Variants in EPHA6 observed in about 807,000 individuals in gnomAD.
EPHA6 encodes the protein EPH receptor A6, also known as ephrin type-A receptor 6.
EPHA6 carries 50 observed loss-of-function variants against 112.0 expected under a neutral mutation model. That is an observed-to-expected ratio of 0.45 (90% confidence interval 0.36 to 0.56). The LOEUF (loss-of-function observed/expected upper bound fraction) is 0.56, where lower values mean the gene tolerates loss of function less well. Ranked by LOEUF, EPHA6 falls within the 20% of genes least tolerant of loss-of-function variation. The probability of loss-of-function intolerance (pLI) is 0.00; values close to 1 mark genes in which losing one functional copy is unlikely to be tolerated. For missense variants in EPHA6, 1,280 were observed against 1,417.4 expected (o/e 0.90, Z 1.56); for synonymous variants, 529 against 490.7 (o/e 1.08, Z -1.03).
chr3:96,851,129 T>C (rs2035358396), intron 1 of EPHA6, among the ~76,000 whole-genome samples: 1 of 152,036 alleles, frequency 6.6e-6, no homozygotes, highest in African/African-American at 2.4e-5. Flanking sequence ...CTGGGGACAA[T>C]TTAGTGGATT....
At chr3:97,215,368 T>C (rs1225387308) in intron 3 of EPHA6, among the ~76,000 whole-genome samples, 1 of 152,224 alleles carries the variant, frequency 6.6e-6, no homozygotes, top group Non-Finnish European at 1.5e-5. Context: ...TTCAGCTGTG[T>C]TTCAATCAAT....
chr3:97,679,137 G>A (rs1430928090), intron 14 of EPHA6, among the ~76,000 whole-genome samples: 1 of 152,072 alleles, frequency 6.6e-6, no homozygotes, highest in African/African-American at 2.4e-5. Context: ...TTCTACTAAT[G>A]ATTTCCTTCC....
intron 5 of EPHA6, among the ~76,000 whole-genome samples, chr3:97,396,437 A>G (rs1456459735): frequency 6.6e-6 from 1 of 150,970 alleles, no homozygotes; most frequent in Non-Finnish European, 1.5e-5. Flanking sequence ...ATTTGTATTT[A>G]TCCATATTGT....
At chr3:96,930,979 G>T (rs2318067) in intron 2 of EPHA6, among the ~76,000 whole-genome samples, 15,100 of 107,164 alleles carry the variant, frequency 0.14, 1,751 homozygotes, top group Admixed American at 0.35. Context: ...GTGACAGAGT[G>T]AGACTCTGTC....
At chr3:96,841,530 G>T (rs1213774942) in intron 1 of EPHA6, among the ~76,000 whole-genome samples, 1 of 152,030 alleles carries the variant, frequency 6.6e-6, no homozygotes, top group East Asian at 1.9e-4. Context: ...CAGAAGAAAT[G>T]GGTGTGTTAC....
chr3:97,135,040 A>G (rs1011024524), intron 3 of EPHA6, among the ~76,000 whole-genome samples: 7 of 152,272 alleles, frequency 4.6e-5, no homozygotes, highest in Middle Eastern at 3.4e-3. Flanking sequence ...GCTGTTTTTC[A>G]GGTACTTTCA....
At chr3:97,279,915 T>C (rs1409114925) in intron 5 of EPHA6, among the ~76,000 whole-genome samples, 1 of 152,200 alleles carries the variant, frequency 6.6e-6, no homozygotes, top group African/African-American at 2.4e-5. Flanking sequence ...GACAGAGTCT[T>C]GCTCTTGTTG....
intron 2 of EPHA6, among the ~76,000 whole-genome samples, chr3:96,895,657 T>C (rs2038228084): frequency 6.6e-6 from 1 of 152,156 alleles, no homozygotes; most frequent in African/African-American, 2.4e-5. Context: ...TTATACTGTT[T>C]TTTGTTGTTG....
At chr3:96,854,109 A>G (rs2035551888) in intron 1 of EPHA6, among the ~76,000 whole-genome samples, 1 of 151,422 alleles carries the variant, frequency 6.6e-6, no homozygotes, top group African/African-American at 2.4e-5. Flanking sequence ...TTTCCAATTC[A>G]TTATTATATA....
At chr3:97,523,563 C>T (rs2092575532) in intron 10 of EPHA6, among the ~76,000 whole-genome samples, 1 of 151,758 alleles carries the variant, frequency 6.6e-6, no homozygotes, top group African/African-American at 2.4e-5. Flanking sequence ...TTGTTGAAGC[C>T]CATTCTTTTT....
intron 3 of EPHA6, among the ~76,000 whole-genome samples, chr3:97,177,386 T>C (rs978756342): frequency 6.6e-6 from 1 of 151,924 alleles, no homozygotes; most frequent in Admixed American, 6.6e-5. Flanking sequence ...ATATCTATTA[T>C]GTGCATTTGA....
chr3:97,032,622 G>A (rs148117042), intron 3 of EPHA6, among the ~76,000 whole-genome samples: 3 of 151,984 alleles, frequency 2.0e-5, no homozygotes, highest in Non-Finnish European at 2.9e-5. Flanking sequence ...TTTGAAATAC[G>A]AAGTGATAAA....
chr3:97,306,393 C>T (rs75439449), intron 5 of EPHA6, among the ~76,000 whole-genome samples: 5,131 of 150,346 alleles, frequency 0.034, 262 homozygotes, highest in African/African-American at 0.12. Flanking sequence ...CCTTAAGGCA[C>T]AATACAAGTA....
intron 2 of EPHA6, among the ~76,000 whole-genome samples, chr3:96,890,336 G>C (rs1303554631): frequency 6.6e-6 from 1 of 152,010 alleles, no homozygotes; most frequent in Non-Finnish European, 1.5e-5. Context: ...AGATGACACG[G>C]TAGAAAAAAT....
chr3:96,963,012 G>A (rs2042000186), intron 2 of EPHA6, among the ~76,000 whole-genome samples: 1 of 151,952 alleles, frequency 6.6e-6, no homozygotes, highest in South Asian at 2.1e-4. Context: ...AAATTAGCTG[G>A]GCATAGTGGC....
chr3:97,556,996 C>G (rs1577767171), intron 11 of EPHA6, among the ~76,000 whole-genome samples: 1 of 152,062 alleles, frequency 6.6e-6, no homozygotes, highest in Non-Finnish European at 1.5e-5. Context: ...TGTCTGCCCT[C>G]TATTATATGA....
intron 5 of EPHA6, among the ~76,000 whole-genome samples, chr3:97,280,243 G>T (rs2108660754): frequency 6.6e-6 from 1 of 152,322 alleles, no homozygotes; most frequent in Admixed American, 6.5e-5. Context: ...TTAACTGCTA[G>T]ATTTCCTTCT....
intron 3 of EPHA6, among the ~76,000 whole-genome samples, chr3:97,209,337 A>G (rs2077802278): frequency 6.6e-6 from 1 of 152,030 alleles, no homozygotes. Context: ...GTATTTGTAT[A>G]ATGAAAAGAT....
At chr3:97,211,474 G>C (rs2077873211) in intron 3 of EPHA6, among the ~76,000 whole-genome samples, 1 of 152,240 alleles carries the variant, frequency 6.6e-6, no homozygotes, top group Middle Eastern at 3.4e-3. Context: ...AGTTCATAAG[G>C]CTGAAAGTCC....
Sources: gnomAD v4.1 joint callset for allele counts (sites outside exome capture counted in the v4.1 genomes callset) on GRCh38, gnomAD v4.1.1 for gene constraint, MANE v1.5 for transcripts, NCBI Gene and HGNC (gene_info 2026-07-23, HGNC 2026-07-21) for gene names.